Variants in TMEM229B observed in about 807,000 individuals in gnomAD.
The protein encoded by TMEM229B is chromosome 14 open reading frame 83.
TMEM229B carries 6 observed loss-of-function variants against 13.7 expected under a neutral mutation model. The ratio of observed to expected loss-of-function variants is 0.44; its 90% confidence interval spans 0.24 to 0.86. TMEM229B has a LOEUF of 0.86. TMEM229B is among the 40% of genes least tolerant of loss of function. TMEM229B has a pLI of 0.23. For synonymous variants in TMEM229B, 107 were observed against 102.1 expected (o/e 1.05, Z -0.29); for missense variants, 170 against 236.0 (o/e 0.72, Z 1.83).
chr14:67,490,067 G>C (rs962549882), upstream of TMEM229B, among the ~76,000 whole-genome samples: 8 of 152,176 alleles, frequency 5.3e-5, no homozygotes, highest in Non-Finnish European at 1.2e-4. Context: ...TAAAATTTCT[G>C]CTGGATGGAT....
chr14:67,505,768 G>A (rs2032802423), intron 1 of TMEM229B, among the ~76,000 whole-genome samples: 1 of 151,334 alleles, frequency 6.6e-6, no homozygotes, highest in African/African-American at 2.4e-5. Flanking sequence ...ATGCAGTGGT[G>A]CGATCTCAGC....
upstream of TMEM229B, among the ~76,000 whole-genome samples, chr14:67,491,205 T>C (rs1189046500): frequency 6.6e-6 from 1 of 152,154 alleles, no homozygotes; most frequent in Admixed American, 6.5e-5. Context: ...TCACAAAGGG[T>C]GCAGATGAGC....
chr14:67,508,185 G>A (rs2032897615), intron 1 of TMEM229B, among the ~76,000 whole-genome samples: 1 of 150,710 alleles, frequency 6.6e-6, no homozygotes, highest in Admixed American at 6.6e-5. Flanking sequence ...TTCTTGAGAA[G>A]GGACTTCCTC....
intron 1 of TMEM229B, among the ~76,000 whole-genome samples, chr14:67,531,581 C>CA (rs2033451632): frequency 6.6e-6 from 1 of 151,830 alleles, no homozygotes; most frequent in African/African-American, 2.4e-5. Context: ...TTCCACTCTC[C>CA]ATGGTGCGTC....
intron 2 of TMEM229B, among the ~76,000 whole-genome samples, chr14:67,480,925 AC>A (rs1421065297): frequency 6.6e-6 from 1 of 152,066 alleles, no homozygotes; most frequent in African/African-American, 2.4e-5. Context: ...AGATCCCAAA[AC>A]CCTTGGAGCA....
chr14:67,478,136 G>T (rs1004353264), intron 2 of TMEM229B, among the ~76,000 whole-genome samples: 1 of 152,208 alleles, frequency 6.6e-6, no homozygotes, highest in East Asian at 1.9e-4. Context: ...CAGACGGCTG[G>T]GGCAGCGTAG....
At chr14:67,531,972 A>C (rs1455665466) in intron 1 of TMEM229B, among the ~76,000 whole-genome samples, 2 of 151,852 alleles carry the variant, frequency 1.3e-5, no homozygotes, top group African/African-American at 2.4e-5. Flanking sequence ...AAATCCAGAG[A>C]ACGTGTTTTT....
chr14:67,508,309 AAAAGGCTGGAACCTCAGCCTTTCTCAGG>A (rs989515302), intron 1 of TMEM229B, among the ~76,000 whole-genome samples: 5 of 152,090 alleles, frequency 3.3e-5, no homozygotes, highest in African/African-American at 1.2e-4. Flanking sequence ...TATTTCCTGA[AAAAGGCTGGAACCTCAGCCTTTCTCAGG>A]AAAGGCTGGA....
intron 1 of TMEM229B, among the ~76,000 whole-genome samples, chr14:67,522,733 G>T (rs1328035017): frequency 6.6e-6 from 1 of 152,068 alleles, no homozygotes; most frequent in Non-Finnish European, 1.5e-5. Flanking sequence ...TCTCCCATAG[G>T]AGCCGGCTGA....
chr14:67,495,572 T>A (rs1470530226), intron 1 of TMEM229B, among the ~76,000 whole-genome samples: 2 of 151,838 alleles, frequency 1.3e-5, no homozygotes, highest in Non-Finnish European at 2.9e-5. Flanking sequence ...AACCTCCGCC[T>A]CCCAGATTCA....
intron 2 of TMEM229B, among the ~76,000 whole-genome samples, chr14:67,474,662 G>A (rs1205501363): frequency 1.3e-5 from 2 of 152,096 alleles, no homozygotes; most frequent in Admixed American, 6.5e-5. Context: ...ACCATCTCCA[G>A]AACTTTTTCA....
At chr14:67,508,938 C>T (rs2032934573) in intron 1 of TMEM229B, among the ~76,000 whole-genome samples, 1 of 151,800 alleles carries the variant, frequency 6.6e-6, no homozygotes, top group African/African-American at 2.4e-5. Context: ...GAGTCATAAT[C>T]AGGTCTCCAC....
At chr14:67,521,834 G>T (rs979748647) in intron 1 of TMEM229B, among the ~76,000 whole-genome samples, 2 of 152,218 alleles carry the variant, frequency 1.3e-5, no homozygotes, top group East Asian at 3.8e-4. Flanking sequence ...TTTTAAGTAT[G>T]GGTTTAACTG....
intron 1 of TMEM229B, among the ~76,000 whole-genome samples, chr14:67,494,072 A>G (rs2032271798): frequency 6.6e-6 from 1 of 152,010 alleles, no homozygotes; most frequent in Non-Finnish European, 1.5e-5. Flanking sequence ...CACCTCCACC[A>G]TAAGCCTTAA....
intron 1 of TMEM229B, among the ~76,000 whole-genome samples, chr14:67,511,073 G>C (rs2033008138): frequency 6.6e-6 from 1 of 152,164 alleles, no homozygotes. Context: ...CTAAAACTCA[G>C]GGTGAGTGAC....
chr14:67,512,701 G>C (rs1321899439), intron 1 of TMEM229B, among the ~76,000 whole-genome samples: 1 of 152,054 alleles, frequency 6.6e-6, no homozygotes, highest in Non-Finnish European at 1.5e-5. Context: ...TATGACATCA[G>C]AGTCCCCAAC....
At chr14:67,530,488 T>C (rs965703404) in intron 1 of TMEM229B, among the ~76,000 whole-genome samples, 1 of 152,202 alleles carries the variant, frequency 6.6e-6, no homozygotes, top group African/African-American at 2.4e-5. Context: ...TTTTTAAACA[T>C]TCCAGCCTAA....
intron 2 of TMEM229B, among the ~76,000 whole-genome samples, chr14:67,486,203 T>C (rs1364822056): frequency 3.9e-5 from 6 of 152,210 alleles, no homozygotes; most frequent in Non-Finnish European, 7.3e-5. Context: ...TGGGAGGTAA[T>C]TGAATCATGG....
At chr14:67,515,438 C>T, upstream of TMEM229B, 1 of 184,900 alleles carries the variant, frequency 5.4e-6, no homozygotes. Context: ...GCGGCGGCGG[C>T]ACTCACCCAT....
Sources: allele counts gnomAD v4.1 joint callset (sites outside exome capture counted in the v4.1 genomes callset), GRCh38; gene constraint gnomAD v4.1.1; transcripts MANE v1.5; gene names NCBI Gene and HGNC (gene_info 2026-07-23, HGNC 2026-07-21).